Variants in CASP9 observed in about 807,000 individuals in gnomAD.
The protein encoded by CASP9 is caspase-9.
A neutral mutation model predicts 43.5 loss-of-function variants in CASP9; 29 were observed. The observed-to-expected ratio is 0.67, with a 90% confidence interval of 0.50 to 0.91. The LOEUF (loss-of-function observed/expected upper bound fraction) is 0.91, where lower values mean the gene tolerates loss of function less well. CASP9 is among the 40% of genes least tolerant of loss of function. The pLI, the probability that CASP9 is intolerant of heterozygous loss-of-function variation, is 0.00. For missense variants in CASP9, 575 were observed against 537.4 expected (o/e 1.07, Z -0.69); for synonymous variants, 206 against 211.9 (o/e 0.97, Z 0.24).
At chr1:15,523,167 A>G (rs1187973429) in intron 1 of CASP9, among the ~76,000 whole-genome samples, 1 of 152,230 alleles carries the variant, frequency 6.6e-6, no homozygotes, top group Non-Finnish European at 1.5e-5. Flanking sequence ...TCCATTCTGC[A>G]TCAGGTCCCC....
intron 2 of CASP9, among the ~76,000 whole-genome samples, chr1:15,513,751 G>A (rs1193254710): frequency 6.6e-6 from 1 of 152,188 alleles, no homozygotes; most frequent in African/African-American, 2.4e-5. Context: ...ATAGGGACAA[G>A]AAAGAGAATG....
intron 6 of CASP9, among the ~76,000 whole-genome samples, chr1:15,496,908 G>C (rs778451935): frequency 1.3e-5 from 2 of 151,926 alleles, no homozygotes; most frequent in Non-Finnish European, 2.9e-5. Flanking sequence ...CCAGCTACTC[G>C]TGAGGCTGAG....
At chr1:15,507,137 G>A in intron 3 of CASP9, 62 bp from the exon 4 acceptor site, 1 of 1,600,878 alleles carries the variant, frequency 6.2e-7, no homozygotes, top group Non-Finnish European at 8.5e-7. Context: ...GGACAGTCTG[G>A]AGAGGCGGGA....
rs371652233 is a variant in CASP9 at position 15,491,866 on chromosome 1, G to A, written c.*1077C>T. The A allele has an allele frequency of 1.2e-4, 19 of 155,692 alleles. No homozygotes were observed. In the East Asian group the frequency reaches 1.5e-3, roughly 12 times the overall value. 9.6% of individuals were successfully genotyped at this position (155,692 alleles called of 1,614,324 possible). Reference sequence around the variant, plus strand: ...CCAGCGTGTCACTATTGCACAGCACGTTCACACTGCAGTCCGGGGGTGCTT... The same window carrying A: ...CCAGCGTGTCACTATTGCACAGCACATTCACACTGCAGTCCGGGGGTGCTT... On this transcript the variant is annotated 3_prime_UTR_variant, in exon 9 of 9. Coordinates refer to ENST00000333868, the MANE Select transcript of CASP9 (RefSeq NM_001229.5).
chr1:15,492,869 G>T lies in CASP9; in HGVS notation c.*74C>A. 1 of 1,585,516 alleles carries T rather than the reference G, an allele frequency of 6.3e-7. No homozygotes were observed. The highest frequency in any genetic ancestry group is 1.1e-5 in the South Asian group (1 of 88,404). ...AGTCCTTGAGTTGCAGGAAAGTCCA[G>T]GCCTCAGCCTCTTTCAGGCCTGGGG... is the stretch of plus-strand genomic sequence containing the variant. On this transcript the variant is annotated 3_prime_UTR_variant, in exon 9 of 9. Coordinates refer to ENST00000333868, the MANE Select transcript of CASP9 (RefSeq NM_001229.5).
In CASP9 at chr1:15,491,625, G is replaced by C. The variant is rs1392401630; in HGVS notation, c.*1318C>G. The C allele has an allele frequency of 3.1e-6, 1 of 319,468 alleles. No homozygotes were observed. The allele number at this position is 319,468 out of a possible 1,614,324, so 19.8% of individuals were successfully genotyped here. A position where few individuals can be genotyped will look rare whatever the true frequency, so the allele number is the denominator to read the frequency against. On this transcript the variant is annotated 3_prime_UTR_variant, in exon 9 of 9. Transcript: ENST00000333868. Reference sequence around the variant, plus strand: ...ATACAAAAATTAACTGGGAGAGGTGGTGCACACCTGTAGTCCAAGCTACTC... The same window carrying C: ...ATACAAAAATTAACTGGGAGAGGTGCTGCACACCTGTAGTCCAAGCTACTC...
Position 15,507,976 on chromosome 1 carries a change from G to A in CASP9, c.419-69C>T, listed in dbSNP as rs1709589378. The A allele has an allele frequency of 4.0e-6, 6 of 1,510,160 alleles. No individual in the cohort carries two copies. In the East Asian group the frequency reaches 6.8e-5, roughly 17 times the overall value. The allele number at this position is 1,510,160 out of a possible 1,614,324, so 93.5% of individuals were successfully genotyped here. On this transcript the variant is annotated intron_variant, in intron 2 of 8. Transcript: ENST00000333868. Reference sequence around the variant, plus strand: ...GCAGAGGAGGGGCAAGGGGCTCTGTGAGGACAGCCCCCCAAGAACGGAGCA... The same window carrying A: ...GCAGAGGAGGGGCAAGGGGCTCTGTAAGGACAGCCCCCCAAGAACGGAGCA...
chr1:15,494,063 C>A, intron 7 of CASP9, 62 bp from the exon 8 acceptor site: 2 of 1,535,546 alleles, frequency 1.3e-6, no homozygotes, highest in Non-Finnish European at 1.7e-6. Flanking sequence ...TCCCCACCAC[C>A]CCTCTGGCCA....
At chr1:15,498,352 T>C (rs1419771306) in intron 6 of CASP9, among the ~76,000 whole-genome samples, 2 of 139,902 alleles carry the variant, frequency 1.4e-5, no homozygotes, top group Non-Finnish European at 3.1e-5. Flanking sequence ...GTGCTGGGAT[T>C]ACAGGCATTT....
chr1:15,524,845 G>C, upstream of CASP9: 1 of 916,340 alleles, frequency 1.1e-6, no homozygotes, highest in Non-Finnish European at 1.3e-6. Flanking sequence ...CCGCCCTCAG[G>C]ACGCACCTCA....
At chr1:15,511,994 C>A (rs1417246547) in intron 2 of CASP9, among the ~76,000 whole-genome samples, 7 of 152,196 alleles carry the variant, frequency 4.6e-5, no homozygotes, top group Non-Finnish European at 8.8e-5. Flanking sequence ...TCCCTCCACA[C>A]ACTGCCTCAT....
In CASP9 at chr1:15,523,860, T is replaced by C. The variant is rs4645987; in HGVS notation, c.132+209A>G. On this transcript the variant is annotated intron_variant, in intron 1 of 8. Transcript: ENST00000333868. ...CAAGATGTGTCTCACATTTTTCCTT[T>C]ACACAAGAAACACAAGCACTAACAG... 8.6e-4 allele frequency among the ~76,000 whole-genome samples: 130 copies of C among 151,604 alleles called. 1 individual carries two copies. In the East Asian group the frequency reaches 0.023, roughly 27 times the overall value.
chr1:15,517,167 G>C (rs770518602), intron 2 of CASP9, among the ~76,000 whole-genome samples: 2 of 152,048 alleles, frequency 1.3e-5, no homozygotes, highest in Non-Finnish European at 2.9e-5. Context: ...AGCCCCAACT[G>C]AAAACAACCC....
chr1:15,518,672 A>C (rs533440532), intron 1 of CASP9, among the ~76,000 whole-genome samples: 1 of 152,348 alleles, frequency 6.6e-6, no homozygotes, highest in Admixed American at 6.5e-5. Flanking sequence ...GCAATCAGAC[A>C]AATCAGCAAT....
rs150220082 is a variant in CASP9 at position 15,521,814 on chromosome 1, A to C, written c.132+2255T>G. Reference sequence around the variant, plus strand: ...TTTCTCCTGTGTCTTTATTTCTACGATCTCTCATCTCCGCACACGAGGAGA... The same window carrying C: ...TTTCTCCTGTGTCTTTATTTCTACGCTCTCTCATCTCCGCACACGAGGAGA... On this transcript the variant is annotated intron_variant, in intron 1 of 8. Coordinates refer to ENST00000333868, the MANE Select transcript of CASP9 (RefSeq NM_001229.5). Among the ~76,000 whole-genome samples the C allele has an allele frequency of 1.7e-3, 257 of 152,092 alleles. 2 individuals carry two copies. The highest frequency in any genetic ancestry group is 5.9e-3 in the African/African-American group (246 of 41,492).
intron 7 of CASP9, 87 bp downstream of exon 7, chr1:15,495,186 C>T (rs901352001): frequency 2.6e-5 from 32 of 1,245,854 alleles, no homozygotes; most frequent in Non-Finnish European, 3.6e-5. Context: ...GACTCATACC[C>T]TGGTCTTTTC....
intron 6 of CASP9, among the ~76,000 whole-genome samples, chr1:15,497,700 A>G (rs921908671): frequency 6.6e-6 from 1 of 152,268 alleles, no homozygotes; most frequent in East Asian, 1.9e-4. Flanking sequence ...CATGGATTAG[A>G]AAACTTAAAG....
chr1:15,492,812 C>T lies in CASP9; in HGVS notation c.*131G>A. On this transcript the variant is annotated 3_prime_UTR_variant, in exon 9 of 9. Coordinates refer to ENST00000333868, the MANE Select transcript of CASP9 (RefSeq NM_001229.5). ...CTGCTAAGAGCCTGTCTGTCACTGG[C>T]AGAGAAAGAGCAGACCCTGTGCCGG... The T allele has an allele frequency of 1.6e-6, 2 of 1,272,788 alleles. No homozygotes were observed. Among genetic ancestry groups the T allele is most frequent in the Non-Finnish European group, 2.2e-6 (2 of 923,874 alleles). The allele number at this position is 1,272,788 out of a possible 1,614,324, so 78.8% of individuals were successfully genotyped here.
intron 2 of CASP9, among the ~76,000 whole-genome samples, chr1:15,509,316 G>C (rs1447686401): frequency 1.3e-5 from 2 of 152,048 alleles, no homozygotes; most frequent in African/African-American, 4.8e-5. Context: ...ACGCAATGCG[G>C]GATAACCTTG....
Sources: gnomAD v4.1 joint callset for allele counts (sites outside exome capture counted in the v4.1 genomes callset) on GRCh38, gnomAD v4.1.1 for gene constraint, MANE v1.5 for transcripts, NCBI Gene and HGNC (gene_info 2026-07-23, HGNC 2026-07-21) for gene names.